The following AP2B1 variants were observed in gnomAD, a reference collection of about 807,000 sequenced individuals.
AP2B1 encodes adaptor related protein complex 2 subunit beta 1.
Under a neutral mutation model 102.0 loss-of-function variants are expected in AP2B1, and 23 were observed. That is an observed-to-expected ratio of 0.23 (90% CI 0.16 to 0.32). The LOEUF (loss-of-function observed/expected upper bound fraction) is 0.32. Ranked by LOEUF, AP2B1 falls within the 10% of genes least tolerant of loss-of-function variation. The pLI is 1.00. For synonymous variants in AP2B1, 381 were observed against 421.2 expected, an observed-to-expected ratio of 0.90 and a Z score of 1.17; for missense variants, 541 against 1,157.4, an observed-to-expected ratio of 0.47 and a Z score of 7.73.
intron 14 of AP2B1, among the ~76,000 whole-genome samples, chr17:35,665,462 G>A (rs1031891306): frequency 6.6e-6 from 1 of 152,098 alleles, no homozygotes; most frequent in Non-Finnish European, 1.5e-5. Flanking sequence ...AAAATTTGCA[G>A]CCTAGTAGCT....
chr17:35,668,972 A>G (rs1158771301), intron 14 of AP2B1, among the ~76,000 whole-genome samples: 1 of 152,146 alleles, frequency 6.6e-6, no homozygotes, highest in Non-Finnish European at 1.5e-5. Flanking sequence ...ATCCCTTGTA[A>G]TGCCTTGCAT....
At chr17:35,588,319 A>G (rs1321882684) in intron 1 of AP2B1, among the ~76,000 whole-genome samples, 1 of 151,580 alleles carries the variant, frequency 6.6e-6, no homozygotes, top group Non-Finnish European at 1.5e-5. Flanking sequence ...TTATTTTTGT[A>G]TTTTTAGTGA....
chr17:35,691,371 C>A (rs587743936), intron 18 of AP2B1, among the ~76,000 whole-genome samples: 1 of 152,292 alleles, frequency 6.6e-6, no homozygotes, highest in South Asian at 2.1e-4. Context: ...TATGTCCGTT[C>A]ACACTCAGAA....
chr17:35,593,068 G>A (rs761583834), intron 1 of AP2B1, among the ~76,000 whole-genome samples: 5 of 152,096 alleles, frequency 3.3e-5, no homozygotes, highest in African/African-American at 9.7e-5. Flanking sequence ...TTTGATTCTC[G>A]TGTCTGAACG....
intron 5 of AP2B1, among the ~76,000 whole-genome samples, chr17:35,618,192 C>G (rs2074078025): frequency 6.6e-6 from 1 of 152,158 alleles, no homozygotes; most frequent in African/African-American, 2.4e-5. Flanking sequence ...GTACTGCAGT[C>G]ATTGTCTCCT....
At chr17:35,610,513 A>G (rs1384820943) in intron 5 of AP2B1, among the ~76,000 whole-genome samples, 2 of 152,086 alleles carry the variant, frequency 1.3e-5, no homozygotes, top group Non-Finnish European at 2.9e-5. Flanking sequence ...CTATAATCCT[A>G]GCACTTTGGG....
At chr17:35,676,620 A>G (rs997227519) in intron 17 of AP2B1, among the ~76,000 whole-genome samples, 3 of 152,132 alleles carry the variant, frequency 2.0e-5, no homozygotes, top group South Asian at 4.1e-4. Flanking sequence ...TTCCTTGGTA[A>G]ATAACTAGGA....
rs1261674091 is a variant in AP2B1, at chr17:35,666,907, G to T, written c.1990-3950G>T. Among the ~76,000 whole-genome samples the T allele has an allele frequency of 2.6e-5, 4 of 152,168 alleles. No individual in the cohort carries two copies. In the East Asian group the frequency reaches 7.7e-4, roughly 29 times the overall value. ...TCCCAGCACTTCATGAGGCTGAGGT[G>T]GGAGAATCGCTTGAGCCCAGGAAGT... On this transcript the variant is annotated intron_variant, in intron 14 of 21. Transcript: ENST00000610402.
chr17:35,655,873 T>C (rs1291414085), intron 13 of AP2B1, among the ~76,000 whole-genome samples: 1 of 152,236 alleles, frequency 6.6e-6, no homozygotes, highest in Non-Finnish European at 1.5e-5. Flanking sequence ...TAATTTGCAT[T>C]TTCCTGATGA....
At chr17:35,643,354 C>T (rs1458746048) in intron 12 of AP2B1, among the ~76,000 whole-genome samples, 1 of 152,176 alleles carries the variant, frequency 6.6e-6, no homozygotes, top group Non-Finnish European at 1.5e-5. Context: ...TTTGGCCTTT[C>T]TTCCTCTCTG....
rs2076383697 is a variant in AP2B1 at position 35,708,308 on chromosome 17, T to TA, written c.2455-915dup. On this transcript the variant is annotated intron_variant, in intron 18 of 21. Transcript: ENST00000610402. ...CAGAAACCAGTGGGAGGTGGTGACT[T>TA]AGAGCAAGTCTCCTCCTACTCCCTC... 2.0e-5 allele frequency among the ~76,000 whole-genome samples: 3 copies of TA among 152,192 alleles called. No individual in the cohort carries two copies. In the East Asian group the frequency reaches 5.8e-4, roughly 29 times the overall value.
chr17:35,623,381 TG>T, intron 5 of AP2B1, among the ~76,000 whole-genome samples: 1 of 151,958 alleles, frequency 6.6e-6, no homozygotes, highest in African/African-American at 2.4e-5. Context: ...CTGGCCAACA[TG>T]GCAAAACCCC....
intron 18 of AP2B1, among the ~76,000 whole-genome samples, chr17:35,699,143 GCTTTACTAAGA>G (rs1419260056): frequency 2.0e-5 from 3 of 152,236 alleles, no homozygotes; most frequent in African/African-American, 7.2e-5. Context: ...TCGAATCAAG[GCTTTACTAAGA>G]GAGATTGGCT....
At chr17:35,661,051 A>G (rs1450767134) in intron 14 of AP2B1, among the ~76,000 whole-genome samples, 1 of 152,202 alleles carries the variant, frequency 6.6e-6, no homozygotes, top group African/African-American at 2.4e-5. Flanking sequence ...CAACCAGGCC[A>G]CTAGACTGTT....
chr17:35,706,320 C>G (rs1385923599), intron 18 of AP2B1, among the ~76,000 whole-genome samples: 2 of 152,176 alleles, frequency 1.3e-5, no homozygotes, highest in African/African-American at 4.8e-5. Context: ...TTTGGAAGAA[C>G]AAGATGTTTA....
At chr17:35,675,231 G>T (rs2075674323) in intron 17 of AP2B1, among the ~76,000 whole-genome samples, 1 of 152,196 alleles carries the variant, frequency 6.6e-6, no homozygotes, top group African/African-American at 2.4e-5. Flanking sequence ...CAGGAAAATG[G>T]CTGTTAGACC....
At chr17:35,639,082 C>A (rs945390580) in intron 10 of AP2B1, among the ~76,000 whole-genome samples, 2 of 152,142 alleles carry the variant, frequency 1.3e-5, no homozygotes, top group African/African-American at 4.8e-5. Context: ...GTAATTTCAT[C>A]ACTTTGGGAG....
chr17:35,631,997 A>C (rs771219296), intron 9 of AP2B1, among the ~76,000 whole-genome samples: 1 of 151,340 alleles, frequency 6.6e-6, no homozygotes, highest in Non-Finnish European at 1.5e-5. Context: ...ACAGAAGTTT[A>C]GATTTTTGTA....
intron 18 of AP2B1, among the ~76,000 whole-genome samples, chr17:35,685,157 T>A (rs1284085458): frequency 6.6e-6 from 1 of 152,228 alleles, no homozygotes; most frequent in Non-Finnish European, 1.5e-5. Flanking sequence ...TCTCTTCTTT[T>A]GGGGATGTCA....
Sources: gnomAD v4.1 joint callset for allele counts (sites outside exome capture counted in the v4.1 genomes callset) on GRCh38, gnomAD v4.1.1 for gene constraint, MANE v1.5 for transcripts, NCBI Gene and HGNC (gene_info 2026-07-23, HGNC 2026-07-21) for gene names.